PCNX2: variants seen among roughly 807,000 people sequenced by gnomAD.
PCNX2 encodes pecanex-like protein 2.
Under a neutral mutation model 223.8 loss-of-function variants are expected in PCNX2, and 168 were observed. The observed-to-expected ratio is 0.75, with a 90% confidence interval of 0.66 to 0.85. The LOEUF is 0.85. Among genes scored for constraint, PCNX2 ranks in the 40% least tolerant of loss-of-function variants. The probability of loss-of-function intolerance (pLI) is 0.00; values close to 1 mark genes in which losing one functional copy is unlikely to be tolerated. For missense variants in PCNX2, 2,507 were observed against 2,675.5 expected (o/e 0.94, Z 1.39); for synonymous variants, 1,006 against 1,052.6 (o/e 0.96, Z 0.86).
intron 22 of PCNX2, among the ~76,000 whole-genome samples, chr1:233,092,804 T>C (rs1673935920): frequency 6.6e-6 from 1 of 151,878 alleles, no homozygotes; most frequent in Non-Finnish European, 1.5e-5. Flanking sequence ...TGTTTTTTGT[T>C]TTTGTTTTTT....
intron 25 of PCNX2, among the ~76,000 whole-genome samples, chr1:233,045,145 C>T (rs1671782860): frequency 6.6e-6 from 1 of 152,086 alleles, no homozygotes; most frequent in Admixed American, 6.5e-5. Flanking sequence ...TTTTGTTCAC[C>T]AAAGCCTTTT....
At chr1:233,057,330 TC>T (rs757600919) in intron 23 of PCNX2, 40 bp from the exon 24 acceptor site, 14 of 1,501,710 alleles carry the variant, frequency 9.3e-6, no homozygotes, top group African/African-American at 6.9e-5. Context: ...CATGATTAGA[TC>T]CCCCCAAGCA....
At chr1:233,057,790 G>A in intron 23 of PCNX2, 1 of 760,268 alleles carries the variant, frequency 1.3e-6, no homozygotes, top group Non-Finnish European at 1.6e-6. Flanking sequence ...AATCCAGGAG[G>A]CCGAGGTCGC....
At chr1:233,058,560 T>A (rs761974625) in intron 23 of PCNX2, 1 of 152,066 alleles carries the variant, frequency 6.6e-6, no homozygotes, top group Non-Finnish European at 1.5e-5. Flanking sequence ...GCATCACACA[T>A]AGGGTTTACT....
intron 27 of PCNX2, among the ~76,000 whole-genome samples, chr1:233,016,407 G>A (rs1251071212): frequency 6.6e-6 from 1 of 151,736 alleles, no homozygotes; most frequent in African/African-American, 2.4e-5. Context: ...TTTGTAAACT[G>A]TCATAATTCT....
intron 15 of PCNX2, among the ~76,000 whole-genome samples, chr1:233,192,400 TAATATTA>T (rs573220813): frequency 6.6e-6 from 1 of 152,290 alleles, no homozygotes; most frequent in East Asian, 1.9e-4. Context: ...CTGACTGTCC[TAATATTA>T]AATCTTGGCT....
chr1:233,250,690 C>A, intron 8 of PCNX2, 49 bp downstream of exon 8: 3 of 1,539,894 alleles, frequency 1.9e-6, no homozygotes, highest in Middle Eastern at 3.4e-4. Context: ...ATCGCTGTGT[C>A]TCCCAGCAAT....
At chr1:233,101,643 T>C (rs1472830217) in intron 21 of PCNX2, among the ~76,000 whole-genome samples, 1 of 152,072 alleles carries the variant, frequency 6.6e-6, no homozygotes, top group African/African-American at 2.4e-5. Flanking sequence ...AATAAATTAA[T>C]AGTTAACTCA....
chr1:233,232,909 G>C, intron 9 of PCNX2: 1 of 984,362 alleles, frequency 1.0e-6, no homozygotes, highest in Non-Finnish European at 1.2e-6. Context: ...GACTTGCATA[G>C]AGCTTTAGAG....
intron 9 of PCNX2, among the ~76,000 whole-genome samples, chr1:233,234,723 T>C (rs1053620837): frequency 5.9e-5 from 9 of 152,206 alleles, no homozygotes; most frequent in African/African-American, 2.2e-4. Context: ...TCCCAAGCTA[T>C]CCTGATACTT....
chr1:233,160,207 G>A (rs1246816607), intron 19 of PCNX2, 76 bp downstream of exon 19: 1 of 1,472,724 alleles, frequency 6.8e-7, no homozygotes, highest in Admixed American at 1.8e-5. Context: ...CATTCAGACT[G>A]TTGCACATGC....
At chr1:233,084,650 T>G (rs1673512801) in intron 23 of PCNX2, among the ~76,000 whole-genome samples, 1 of 152,232 alleles carries the variant, frequency 6.6e-6, no homozygotes. Context: ...AACAAAGATG[T>G]TTGCTGAGAT....
chr1:232,996,264 C>G, intron 32 of PCNX2, among the ~76,000 whole-genome samples: 1 of 152,110 alleles, frequency 6.6e-6, no homozygotes, highest in Non-Finnish European at 1.5e-5. Context: ...CGCAGCCACA[C>G]CCCCCTGACT....
At chr1:233,058,001 G>C in intron 23 of PCNX2, 1 of 985,420 alleles carries the variant, frequency 1.0e-6, no homozygotes, top group Non-Finnish European at 1.2e-6. Context: ...CTGCTTTCAA[G>C]AGTGGGGTAT....
At chr1:233,249,371 G>A (rs1374259064) in intron 8 of PCNX2, among the ~76,000 whole-genome samples, 1 of 152,246 alleles carries the variant, frequency 6.6e-6, no homozygotes, top group Non-Finnish European at 1.5e-5. Flanking sequence ...TAATATGACA[G>A]TTTTCAAAGC....
intron 1 of PCNX2, among the ~76,000 whole-genome samples, chr1:233,268,768 T>G (rs1660479809): frequency 2.0e-5 from 3 of 152,194 alleles, no homozygotes; most frequent in Admixed American, 2.0e-4. Context: ...AAAGAGGGGA[T>G]GATTCTCTCT....
chr1:233,028,529 G>A (rs1671160616), intron 25 of PCNX2, among the ~76,000 whole-genome samples: 1 of 152,114 alleles, frequency 6.6e-6, no homozygotes, highest in African/African-American at 2.4e-5. Flanking sequence ...TATTAATAAA[G>A]CTAATCCAGG....
Position 232,986,081 on chromosome 1 carries a change from C to A in PCNX2, c.6240+11G>T, listed in dbSNP as rs1669465172. 2 of 1,554,596 alleles carry A rather than the reference C, an allele frequency of 1.3e-6. No individual in the cohort carries two copies. The highest frequency in any genetic ancestry group is 1.7e-6 in the Non-Finnish European group (2 of 1,148,720). ...CCAGCCTGTCCTGGTGAGCCCTGCC[C>A]AGCCCCTTACCCGAGTGGCCTGGCT... On this transcript the variant is annotated intron_variant, in intron 33 of 33. Transcript: ENST00000258229.
chr1:233,215,846 C>T (rs1296841324), intron 12 of PCNX2, among the ~76,000 whole-genome samples: 2 of 152,200 alleles, frequency 1.3e-5, no homozygotes, highest in East Asian at 3.8e-4. Flanking sequence ...CCTAATTATG[C>T]TGCTTCTACT....
Sources: gnomAD v4.1 joint callset for allele counts (sites outside exome capture counted in the v4.1 genomes callset) on GRCh38, gnomAD v4.1.1 for gene constraint, MANE v1.5 for transcripts, NCBI Gene and HGNC (gene_info 2026-07-23, HGNC 2026-07-21) for gene names.